TNR: variants seen among roughly 807,000 people sequenced by gnomAD.
TNR encodes the protein tenascin-R.
Under a neutral mutation model 150.4 loss-of-function variants are expected in TNR, and 45 were observed. The observed-to-expected ratio is 0.30, with a 90% CI of 0.24 to 0.38. The LOEUF is 0.38. TNR is among the 10% of genes least tolerant of loss of function. The pLI is 1.00. For synonymous variants in TNR, 687 were observed against 678.4 expected, an observed-to-expected ratio of 1.01 and a Z score of -0.20; for missense variants, 1,544 against 1,759.1, an observed-to-expected ratio of 0.88 and a Z score of 2.19.
rs2101845147 is a variant in TNR, at chr1:175,599,263, A to G, written c.-164-70894T>C. Among the ~76,000 whole-genome samples, 1 of 152,238 alleles carries G rather than the reference A, an allele frequency of 6.6e-6. No homozygotes were observed. Among genetic ancestry groups the G allele is most frequent in the East Asian group, 1.9e-4 (1 of 5,156 alleles). On this transcript the variant is annotated intron_variant, in intron 1 of 22. Transcript: ENST00000367674. The surrounding 1 kb of genome is among the most constrained non-coding windows in gnomAD (Gnocchi z 4.7). ...CCTCGGGTCACCGCTCCTCCCTTTC[A>G]GGCGCCCGGGTTTGCCCACCGCGAA... is the stretch of plus-strand genomic sequence containing the variant.
At chr1:175,564,965 T>A (rs550385644) in intron 1 of TNR, among the ~76,000 whole-genome samples, 1 of 152,308 alleles carries the variant, frequency 6.6e-6, no homozygotes, top group African/African-American at 2.4e-5. Context: ...TTTATCTCAG[T>A]CTAGTAATAA....
At chr1:175,719,649 G>A (rs1667247514) in intron 1 of TNR, among the ~76,000 whole-genome samples, 1 of 152,204 alleles carries the variant, frequency 6.6e-6, no homozygotes, top group Non-Finnish European at 1.5e-5. Context: ...TGCCCAAGTA[G>A]AATGGTCACA....
At chr1:175,600,210 G>C (rs1030918813) in intron 1 of TNR, among the ~76,000 whole-genome samples, 6 of 152,252 alleles carry the variant, frequency 3.9e-5, no homozygotes, top group African/African-American at 1.4e-4. Flanking sequence ...ACCTTAAAGA[G>C]GTGTTATGAG....
intron 1 of TNR, among the ~76,000 whole-genome samples, chr1:175,631,191 C>T (rs1013662426): frequency 1.3e-5 from 2 of 152,178 alleles, no homozygotes; most frequent in Admixed American, 6.5e-5. Context: ...GATCTATAAA[C>T]ACATATGCAC....
At chr1:175,483,754 G>T (rs968531236) in intron 2 of TNR, among the ~76,000 whole-genome samples, 8 of 152,190 alleles carry the variant, frequency 5.3e-5, no homozygotes, top group African/African-American at 1.2e-4. Flanking sequence ...GATGGTGGGG[G>T]CTGGGAACTA....
chr1:175,532,846 C>T (rs1182774823), intron 1 of TNR, among the ~76,000 whole-genome samples: 1 of 152,162 alleles, frequency 6.6e-6, no homozygotes, highest in Non-Finnish European at 1.5e-5. Flanking sequence ...AGTGTCCTTA[C>T]AACTTGGTGG....
chr1:175,646,299 T>A (rs1664807432), intron 1 of TNR, among the ~76,000 whole-genome samples: 1 of 152,154 alleles, frequency 6.6e-6, no homozygotes. Flanking sequence ...ATTGACTGGG[T>A]CACTTTTTAC....
chr1:175,703,316 C>A (rs1558081842), intron 1 of TNR, among the ~76,000 whole-genome samples: 1 of 152,036 alleles, frequency 6.6e-6, no homozygotes, highest in Non-Finnish European at 1.5e-5. Flanking sequence ...CTCTACTAAC[C>A]CTTCTGTGAA....
chr1:175,533,329 G>C (rs1660147252), intron 1 of TNR, among the ~76,000 whole-genome samples: 1 of 152,180 alleles, frequency 6.6e-6, no homozygotes, highest in East Asian at 1.9e-4. Context: ...GTGTGCAGCA[G>C]AAGGAAGGAA....
At chr1:175,721,495 G>C (rs1413773436) in intron 1 of TNR, among the ~76,000 whole-genome samples, 1 of 152,068 alleles carries the variant, frequency 6.6e-6, no homozygotes, top group Non-Finnish European at 1.5e-5. Flanking sequence ...AGACTGATCT[G>C]TCGCCATTCC....
At chr1:175,494,536 G>C (rs1402661138) in intron 2 of TNR, among the ~76,000 whole-genome samples, 1 of 152,152 alleles carries the variant, frequency 6.6e-6, no homozygotes, top group African/African-American at 2.4e-5. Flanking sequence ...GCTTTTGTAG[G>C]GCAGTCACTG....
rs568635541 is a variant in TNR at position 175,653,234 on chromosome 1, G to A, written c.-165+89992C>T. ...ATAGCTTTGTTTGTGGCAGCTGGAAGTTGGAGTCAATCTAGGTGTTCTGTC... is the reference window on the plus strand; with the variant it reads ...ATAGCTTTGTTTGTGGCAGCTGGAAATTGGAGTCAATCTAGGTGTTCTGTC... On this transcript the variant is annotated intron_variant, in intron 1 of 22. Coordinates refer to ENST00000367674, the MANE Select transcript of TNR (RefSeq NM_003285.3). Among the ~76,000 whole-genome samples, 6 of 152,348 alleles carry A rather than the reference G, an allele frequency of 3.9e-5. No homozygotes were observed. The East Asian group carries it at 1.2e-3, about 29-fold the overall frequency.
chr1:175,423,540 A>C (rs1654843688), intron 2 of TNR, among the ~76,000 whole-genome samples: 1 of 152,176 alleles, frequency 6.6e-6, no homozygotes, highest in Admixed American at 6.5e-5. Context: ...TAGGATGTGA[A>C]TCGAGATCTC....
rs1248498829 is a variant in TNR, at chr1:175,335,669, G to C, written c.3631+42C>G. 6 of 1,569,692 alleles carry C rather than the reference G, an allele frequency of 3.8e-6. No homozygotes were observed. In the South Asian group the frequency reaches 5.8e-5, roughly 15 times the overall value. On this transcript the variant is annotated intron_variant, in intron 20 of 22. Coordinates refer to ENST00000367674, the MANE Select transcript of TNR (RefSeq NM_003285.3). ...CAAAAAGGAGAGAGATGGACAAAAA[G>C]CCAGAGAAGCACATCAATGGAAAGC... is the stretch of plus-strand genomic sequence containing the variant.
intron 7 of TNR, among the ~76,000 whole-genome samples, chr1:175,387,926 C>G (rs1047457981): frequency 3.3e-5 from 5 of 152,216 alleles, no homozygotes; most frequent in African/African-American, 1.2e-4. Flanking sequence ...CCAGCACCAG[C>G]TAAAATGAAA....
chr1:175,543,313 G>A (rs1293087344), intron 1 of TNR, among the ~76,000 whole-genome samples: 2 of 152,142 alleles, frequency 1.3e-5, no homozygotes, highest in Non-Finnish European at 2.9e-5. Flanking sequence ...GCCATTTAAT[G>A]GGAGAGACAG....
At chr1:175,578,115 G>A (rs561719114) in intron 1 of TNR, among the ~76,000 whole-genome samples, 3 of 152,108 alleles carry the variant, frequency 2.0e-5, no homozygotes, top group Admixed American at 6.5e-5. Context: ...CAGACCTCTC[G>A]GGTCTGTAGT....
chr1:175,732,910 C>T (rs981864984), intron 1 of TNR, among the ~76,000 whole-genome samples: 5 of 152,162 alleles, frequency 3.3e-5, no homozygotes, highest in Admixed American at 2.0e-4. Context: ...TAGATGTTAG[C>T]GATTATTTTG....
rs1571331662 is a variant in TNR, at chr1:175,356,204, G to A, written c.3118+115C>T. 8 of 1,413,582 alleles carry A rather than the reference G, an allele frequency of 5.7e-6. 1 individual carries two copies. Among genetic ancestry groups the A allele is most frequent in the South Asian group, 2.7e-5 (2 of 74,534 alleles). The allele number at this position is 1,413,582 out of a possible 1,614,324, so 87.6% of individuals were successfully genotyped here. A position where few individuals can be genotyped will look rare whatever the true frequency, so the allele number is the denominator to read the frequency against. ...GCTGTAGTCAGTCCAAATAAGAACA[G>A]CTCATAGCTGCCCTGTCCAAAGCCT... On this transcript the variant is annotated intron_variant, in intron 16 of 22. Transcript: ENST00000367674.
Sources: allele counts gnomAD v4.1 joint callset (sites outside exome capture counted in the v4.1 genomes callset), GRCh38; gene constraint gnomAD v4.1.1; non-coding constraint Gnocchi (gnomAD v3.1); transcripts MANE v1.5; gene names NCBI Gene and HGNC (gene_info 2026-07-23, HGNC 2026-07-21).